The following CELF2 variants were observed in gnomAD, a reference collection of about 807,000 sequenced individuals.
CELF2 encodes CUG triplet repeat RNA-binding protein 2.
In CELF2, 8 loss-of-function variants were observed where a neutral mutation model predicts 62.6. That is an observed-to-expected ratio of 0.13 (90% CI 0.07 to 0.23). The LOEUF is 0.23. Ranked by LOEUF, CELF2 falls within the 10% of genes least tolerant of loss-of-function variation. The probability of loss-of-function intolerance (pLI) is 1.00; values close to 1 mark genes in which losing one functional copy is unlikely to be tolerated. For synonymous variants in CELF2, 258 were observed against 250.0 expected (o/e 1.03, Z -0.30); for missense variants, 333 against 671.0 (o/e 0.50, Z 5.56).
chr10:11,287,049 C>T (rs1464823118), intron 8 of CELF2, among the ~76,000 whole-genome samples: 1 of 152,162 alleles, frequency 6.6e-6, no homozygotes, highest in Non-Finnish European at 1.5e-5. Flanking sequence ...GAGCTGCGCC[C>T]GTGGCTGGGG....
intron 10 of CELF2, among the ~76,000 whole-genome samples, chr10:11,320,169 A>G (rs533330497): frequency 6.6e-6 from 1 of 152,218 alleles, no homozygotes; most frequent in Non-Finnish European, 1.5e-5. Context: ...AGTTGATATG[A>G]AAGTTAGCAC....
the CELF2 span, among the ~76,000 whole-genome samples, chr10:10,642,038 T>C: frequency 6.6e-6 from 1 of 152,130 alleles, no homozygotes; most frequent in South Asian, 2.1e-4. Context: ...AGTGAAGACC[T>C]GGTGGAAGAT....
Position 11,102,774 on chromosome 10 carries a change from T to A in CELF2, c.75-62712T>A, listed in dbSNP as rs2052094056. 2.0e-5 allele frequency among the ~76,000 whole-genome samples: 3 copies of A among 152,322 alleles called. No homozygotes were observed. The South Asian group carries it at 6.2e-4, about 32-fold the overall frequency. On this transcript the variant is annotated intron_variant, in intron 1 of 12. Transcript: ENST00000633077. ...CCCCCTTTCTTTCTCCATGGAAGTC[T>A]TATAAAACTCAACCAAGCATGCCTT...
At chr10:10,596,406 A>C in the CELF2 span, among the ~76,000 whole-genome samples, 1 of 152,190 alleles carries the variant, frequency 6.6e-6, no homozygotes. Context: ...TTTGTCTCAG[A>C]ATTGCACATG....
intron 9 of CELF2, among the ~76,000 whole-genome samples, chr10:11,308,232 G>T (rs919634141): frequency 6.6e-6 from 1 of 152,108 alleles, no homozygotes; most frequent in African/African-American, 2.4e-5. Context: ...ATGTGCCAGG[G>T]TATAGATTTC....
At chr10:11,065,842 G>T (rs2067990770) in intron 1 of CELF2, among the ~76,000 whole-genome samples, 1 of 152,152 alleles carries the variant, frequency 6.6e-6, no homozygotes, top group South Asian at 2.1e-4. Flanking sequence ...GATTTGGAGG[G>T]CCCGGGGAGG....
chr10:10,611,801 C>A, the CELF2 span, among the ~76,000 whole-genome samples: 1 of 152,136 alleles, frequency 6.6e-6, no homozygotes, highest in Non-Finnish European at 1.5e-5. Context: ...TGTATAAAAT[C>A]TCCTTTTATC....
chr10:11,079,365 G>A (rs191325163), intron 1 of CELF2, among the ~76,000 whole-genome samples: 2 of 152,166 alleles, frequency 1.3e-5, no homozygotes, highest in Middle Eastern at 3.2e-3. Flanking sequence ...CAACAAAAAC[G>A]TGCGGAAAAT....
At chr10:11,254,495 T>C (rs1418258223) in intron 4 of CELF2, among the ~76,000 whole-genome samples, 2 of 152,242 alleles carry the variant, frequency 1.3e-5, no homozygotes. Context: ...TGAGTTGACC[T>C]TGAGTGATGG....
At chr10:10,902,968 GAGA>G (rs2063053174) in intron 1 of CELF2, among the ~76,000 whole-genome samples, 1 of 151,534 alleles carries the variant, frequency 6.6e-6, no homozygotes, top group Admixed American at 6.6e-5. Context: ...GGAAGATAAG[GAGA>G]AGAAGGGAGG....
chr10:10,816,581 T>C (rs778196576), intron 1 of CELF2, among the ~76,000 whole-genome samples: 1 of 152,190 alleles, frequency 6.6e-6, no homozygotes, highest in Non-Finnish European at 1.5e-5. Flanking sequence ...ACGTGGAAAA[T>C]TAAATGTCCA....
At chr10:11,087,914 T>C (rs978852350) in intron 1 of CELF2, among the ~76,000 whole-genome samples, 1 of 152,210 alleles carries the variant, frequency 6.6e-6, no homozygotes, top group Non-Finnish European at 1.5e-5. Flanking sequence ...TATACATGTT[T>C]CTTAAATGTT....
intron 10 of CELF2, chr10:11,320,715 A>G (rs1052462854): frequency 3.4e-6 from 3 of 874,476 alleles, no homozygotes; most frequent in South Asian, 1.7e-5. Flanking sequence ...CTAAGGGAAA[A>G]AAGTTTTATT....
chr10:11,195,289 G>A (rs542218029), intron 2 of CELF2, among the ~76,000 whole-genome samples: 3 of 152,310 alleles, frequency 2.0e-5, no homozygotes, highest in South Asian at 4.1e-4. Context: ...CTGCACCAAG[G>A]AGAACAGAAA....
At position 11,316,281 on chromosome 10, in the gene CELF2, C is replaced by G. The variant is rs1284975351; in HGVS notation, c.1096+2023C>G. On this transcript the variant is annotated intron_variant, in intron 10 of 12. Coordinates refer to ENST00000633077, the MANE Select transcript of CELF2 (RefSeq NM_001326342.2). The surrounding 1 kb of genome is among the most constrained non-coding windows in gnomAD (Gnocchi z 4.4). Reference sequence around the variant, plus strand: ...AGAATGTTTGTCATTTCAAATAACCCCTGCTAGATAGTATGAACCAAGAAA... The same window carrying G: ...AGAATGTTTGTCATTTCAAATAACCGCTGCTAGATAGTATGAACCAAGAAA... 6.6e-6 allele frequency among the ~76,000 whole-genome samples: 1 copy of G among 152,134 alleles called. No homozygotes were observed. The highest frequency in any genetic ancestry group is 1.5e-5 in the Non-Finnish European group (1 of 68,022).
intron 1 of CELF2, among the ~76,000 whole-genome samples, chr10:10,910,284 A>G (rs1212858970): frequency 6.6e-6 from 1 of 152,202 alleles, no homozygotes; most frequent in Non-Finnish European, 1.5e-5. Flanking sequence ...ATTCAGCAAT[A>G]TTAACTGCAG....
At chr10:10,735,382 T>C in the CELF2 span, among the ~76,000 whole-genome samples, 1 of 152,216 alleles carries the variant, frequency 6.6e-6, no homozygotes, top group Non-Finnish European at 1.5e-5. Flanking sequence ...GGCATCAGTA[T>C]GTTGCGAAAA....
At position 11,290,826 on chromosome 10, in the gene CELF2, GTATTT is replaced by G. The variant is rs1195150011; in HGVS notation, c.976+2279_976+2283del. ...GGAATGCTTTGCATAATAACTGAAA[GTATTT>G]TATTAGAATCCTAAAGTGTAGCAGC... On this transcript the variant is annotated intron_variant, in intron 9 of 12. Transcript: ENST00000633077. This position sits in a 1 kb window ranked among gnomAD's most constrained non-coding sequence, Gnocchi z 4.3. Among the ~76,000 whole-genome samples, 1 of 152,188 alleles carries G rather than the reference GTATTT, an allele frequency of 6.6e-6. No homozygotes were observed. Among genetic ancestry groups the G allele is most frequent in the African/African-American group, 2.4e-5 (1 of 41,426 alleles).
the CELF2 span, among the ~76,000 whole-genome samples, chr10:10,541,306 A>G: frequency 3.3e-5 from 5 of 151,648 alleles, no homozygotes; most frequent in African/African-American, 1.2e-4. Flanking sequence ...CTGATGTCAT[A>G]TTGTTACTGG....
Sources: allele counts gnomAD v4.1 joint callset (sites outside exome capture counted in the v4.1 genomes callset), GRCh38; gene constraint gnomAD v4.1.1; non-coding constraint Gnocchi (gnomAD v3.1); transcripts MANE v1.5; gene names NCBI Gene and HGNC (gene_info 2026-07-23, HGNC 2026-07-21).